MIB1: variants seen among roughly 807,000 people sequenced by gnomAD.
MIB1 encodes E3 ubiquitin-protein ligase MIB1.
Under a neutral mutation model 124.5 loss-of-function variants are expected in MIB1, and 278 were observed. That is an observed-to-expected ratio of 2.23 (90% CI 2.02 to 2.47). The LOEUF is 2.47. Ranked by LOEUF, MIB1 falls within the 30% of genes most tolerant of loss-of-function variation. The pLI is 0.00. For synonymous variants in MIB1, 446 were observed against 429.4 expected (o/e 1.04, Z -0.48); for missense variants, 957 against 1,254.4 (o/e 0.76, Z 3.58).
intron 1 of MIB1, among the ~76,000 whole-genome samples, chr18:21,706,715 C>T (rs894853478): frequency 6.6e-6 from 1 of 152,184 alleles, no homozygotes; most frequent in Non-Finnish European, 1.5e-5. Context: ...CCCGCCAGCG[C>T]TGCACTGGAA....
intron 1 of MIB1, among the ~76,000 whole-genome samples, chr18:21,735,322 CG>C (rs924013821): frequency 3.9e-5 from 6 of 152,168 alleles, no homozygotes; most frequent in African/African-American, 1.2e-4. Flanking sequence ...CTGGGAGGAA[CG>C]GGGTACTCCG....
intron 1 of MIB1, among the ~76,000 whole-genome samples, chr18:21,734,975 T>C (rs754585680): frequency 1.3e-5 from 2 of 152,256 alleles, no homozygotes; most frequent in African/African-American, 2.4e-5. Context: ...ACATTTTCCA[T>C]GAACATTTTC....
intron 3 of MIB1, 141 bp downstream of exon 3, chr18:21,768,893 T>G (rs2146411311): frequency 2.7e-6 from 2 of 730,474 alleles, no homozygotes; most frequent in East Asian, 8.1e-5. Context: ...CTTTTTTCTC[T>G]GGAAGTAAAA....
chr18:21,741,746 G>A lies in MIB1; in HGVS notation c.163G>A (p.Gly55Ser). 1 of 1,611,196 alleles carries A rather than the reference G, an allele frequency of 6.2e-7. No homozygotes were observed. Among genetic ancestry groups the A allele is most frequent in the Non-Finnish European group, 8.5e-7 (1 of 1,179,228 alleles). The change falls in exon 1 of 21, where the codon GGC (glycine) becomes AGC (serine). Residue 55 changes from glycine (G) to serine (S), a missense_variant. Gly to Ser is a moderately conservative substitution (Grantham distance 56). Transcript: ENST00000261537. This position sits in a 1 kb window ranked among gnomAD's most constrained non-coding sequence, Gnocchi z 5.4. Reference sequence around the variant, plus strand: ...GGAGGTGGTGGTAGTGTGGGACAACGGCACAGCTGCCAACTACCGCTGCTC... The same window carrying A: ...GGAGGTGGTGGTAGTGTGGGACAACAGCACAGCTGCCAACTACCGCTGCTC... ...PEEVVVVWDN[G>S]TAANYRCSGA...
intron 3 of MIB1, among the ~76,000 whole-genome samples, chr18:21,771,226 C>T (rs571176752): frequency 3.8e-4 from 58 of 152,224 alleles, no homozygotes; most frequent in African/African-American, 1.2e-3. Context: ...TTGTTTCCTC[C>T]TCAATAATAA....
intron 10 of MIB1, among the ~76,000 whole-genome samples, chr18:21,806,369 T>G (rs1229771119): frequency 6.6e-6 from 1 of 151,970 alleles, no homozygotes; most frequent in Non-Finnish European, 1.5e-5. Flanking sequence ...CTTGGCTAAT[T>G]TTTAAAAATT....
Position 21,768,635 on chromosome 18 carries a change from G to A in MIB1, c.414G>A (p.Glu138=). 6.4e-7 allele frequency: 1 copy of A among 1,567,902 alleles called. No homozygotes were observed. Among genetic ancestry groups the A allele is most frequent in the Non-Finnish European group, 8.7e-7 (1 of 1,154,480 alleles). Residue 138 remains glutamate, a synonymous_variant, in exon 3 of 21, where the codon GAG becomes GAA. Transcript: ENST00000261537. ...ATTTTATTTTTAGGGTTCTGTTAGAGTCTCGTAGGAAATCTAAGAAGATTA... is the reference window on the plus strand; with the variant it reads ...ATTTTATTTTTAGGGTTCTGTTAGAATCTCGTAGGAAATCTAAGAAGATTA... The part of the protein sequence containing the change: ...TTPGSERVLL[E]SRRKSKKITA...
Position 21,766,777 on chromosome 18 carries a change from C to A in MIB1, c.401+834C>A, listed in dbSNP as rs979946257. ...AATAAGGCTGGGCGGGTGGCTCATGCCTTTAATTCTAGCACTTTGGGAAGC... is the reference window on the plus strand; with the variant it reads ...AATAAGGCTGGGCGGGTGGCTCATGACTTTAATTCTAGCACTTTGGGAAGC... On this transcript the variant is annotated intron_variant, in intron 2 of 20. Coordinates refer to ENST00000261537, the MANE Select transcript of MIB1 (RefSeq NM_020774.4). Among the ~76,000 whole-genome samples, 14 of 152,006 alleles carry A rather than the reference C, an allele frequency of 9.2e-5. No individual in the cohort carries two copies. In the East Asian group the frequency reaches 1.2e-3, roughly 13 times the overall value.
intron 9 of MIB1, among the ~76,000 whole-genome samples, chr18:21,803,563 T>C (rs1032195425): frequency 1.3e-5 from 2 of 152,218 alleles, no homozygotes; most frequent in African/African-American, 4.8e-5. Context: ...TCAGTGCTTT[T>C]TTTCATTGAA....
chr18:21,827,293 C>T (rs995517222), intron 12 of MIB1: 1 of 151,926 alleles, frequency 6.6e-6, no homozygotes, highest in Admixed American at 6.6e-5. Context: ...AAGTTAAACT[C>T]GCAAGCACCA....
At chr18:21,791,598 A>G (rs1182250751) in intron 7 of MIB1, 41 bp downstream of exon 7, 6 of 1,457,158 alleles carry the variant, frequency 4.1e-6, no homozygotes, top group East Asian at 2.3e-5. Flanking sequence ...AAATTACAAT[A>G]TACTTATGTC....
chr18:21,772,830 A>C (rs1006858177), intron 3 of MIB1, among the ~76,000 whole-genome samples: 1 of 152,214 alleles, frequency 6.6e-6, no homozygotes, highest in African/African-American at 2.4e-5. Flanking sequence ...AAGCAACTCA[A>C]GACCTACTTG....
intron 1 of MIB1, among the ~76,000 whole-genome samples, chr18:21,764,056 A>G (rs1254372789): frequency 6.6e-6 from 1 of 152,140 alleles, no homozygotes; most frequent in East Asian, 1.9e-4. Context: ...AGTAATAAAG[A>G]AATAGTTCTG....
chr18:21,857,098 T>G, intron 18 of MIB1, 32 bp from the exon 19 acceptor site: 3 of 1,437,430 alleles, frequency 2.1e-6, no homozygotes, highest in Non-Finnish European at 2.9e-6. Context: ...ATGTTCTCTC[T>G]TGTAAGAAGT....
At position 21,732,351 on chromosome 18, in the gene MIB1, TACACACACACACAC is replaced by T. The variant is rs59731612; in HGVS notation, n.167+27258_167+27271del. Among the ~76,000 whole-genome samples the T allele has an allele frequency of 1.0e-3, 141 of 141,058 alleles. No individual in the cohort carries two copies. In the East Asian group the frequency reaches 0.012, roughly 12 times the overall value. The allele number at this position is 141,058 out of a possible 152,430, so 92.5% of individuals were successfully genotyped here. ...TAAAAAAATATATATATTATATGTA[TACACACACACACAC>T]ACACACACACACACACACACACACA... is the stretch of plus-strand genomic sequence containing the variant. On this transcript the variant is annotated intron_variant and non_coding_transcript_variant, in intron 1 of 20. Transcript: ENST00000578646.
intron 17 of MIB1, among the ~76,000 whole-genome samples, chr18:21,851,082 T>G (rs1217271451): frequency 6.6e-6 from 1 of 152,080 alleles, no homozygotes; most frequent in Non-Finnish European, 1.5e-5. Flanking sequence ...TTTAAGAGAG[T>G]TAAAAACTGA....
chr18:21,849,494 C>A, intron 17 of MIB1, 106 bp downstream of exon 17: 1 of 551,122 alleles, frequency 1.8e-6, no homozygotes, highest in Non-Finnish European at 2.9e-6. Flanking sequence ...TTTGCTCTTC[C>A]AAACAATGAT....
chr18:21,825,053 A>G (rs1355145982), intron 12 of MIB1, among the ~76,000 whole-genome samples: 1 of 152,066 alleles, frequency 6.6e-6, no homozygotes, highest in East Asian at 1.9e-4. Context: ...TTCATGAGTA[A>G]AAGTAGTGAT....
chr18:21,725,209 C>G (rs1292766797), intron 1 of MIB1, among the ~76,000 whole-genome samples: 1 of 151,420 alleles, frequency 6.6e-6, no homozygotes, highest in Non-Finnish European at 1.5e-5. Context: ...AATTTTAACA[C>G]TAACAATTTG....
Sources: gnomAD v4.1 joint callset for allele counts (sites outside exome capture counted in the v4.1 genomes callset) on GRCh38, gnomAD v4.1.1 for gene constraint, Gnocchi (gnomAD v3.1) non-coding constraint, MANE v1.5 for transcripts, NCBI Gene and HGNC (gene_info 2026-07-23, HGNC 2026-07-21) for gene names.